The following PAK2 variants were observed in gnomAD, a reference collection of about 807,000 sequenced individuals.
PAK2 encodes the protein serine/threonine-protein kinase PAK 2.
In PAK2, 21 loss-of-function variants were observed where a neutral mutation model predicts 65.9. That is an observed-to-expected ratio of 0.32 (90% CI 0.23 to 0.46). PAK2 has a LOEUF of 0.46. PAK2 is among the 20% of genes least tolerant of loss of function. The pLI is 1.00. For synonymous variants in PAK2, 204 were observed against 219.7 expected (o/e 0.93, Z 0.63); for missense variants, 324 against 642.6 (o/e 0.50, Z 5.36).
chr3:196,817,383 C>T (rs1212538562), intron 11 of PAK2, among the ~76,000 whole-genome samples: 1 of 151,838 alleles, frequency 6.6e-6, no homozygotes, highest in East Asian at 1.9e-4. Context: ...TGGAGTCTTG[C>T]TCTGTCACCC....
At chr3:196,769,969 T>A (rs1714311031) in intron 1 of PAK2, among the ~76,000 whole-genome samples, 1 of 152,080 alleles carries the variant, frequency 6.6e-6, no homozygotes, top group African/African-American at 2.4e-5. Flanking sequence ...ATACAGTGTT[T>A]GTTAGGCCGG....
At chr3:196,741,842 T>A (rs191364120) in intron 1 of PAK2, among the ~76,000 whole-genome samples, 1 of 152,210 alleles carries the variant, frequency 6.6e-6, no homozygotes, top group African/African-American at 2.4e-5. Context: ...AGATGTTGGC[T>A]TCTCTGCCAG....
chr3:196,751,336 T>C (rs1228741412), intron 1 of PAK2, among the ~76,000 whole-genome samples: 2 of 151,984 alleles, frequency 1.3e-5, no homozygotes, highest in African/African-American at 2.4e-5. Flanking sequence ...ATGCAAACCA[T>C]GTTTCGTGCA....
chr3:196,801,850 AAAATAAAATT>A, intron 2 of PAK2, 67 bp from the exon 3 acceptor site: 1 of 780,304 alleles, frequency 1.3e-6, no homozygotes, highest in Non-Finnish European at 2.2e-6. Flanking sequence ...CAAAAGACAA[AAAATAAAATT>A]ATAAGTGCCT....
chr3:196,815,379 C>T (rs1172740173), intron 11 of PAK2, among the ~76,000 whole-genome samples: 2 of 151,604 alleles, frequency 1.3e-5, no homozygotes, highest in Non-Finnish European at 1.5e-5. Flanking sequence ...GTAATCCCAG[C>T]TACTCGCGAG....
chr3:196,816,254 ATC>A (rs1390664228), intron 11 of PAK2, among the ~76,000 whole-genome samples: 2 of 152,102 alleles, frequency 1.3e-5, no homozygotes, highest in Non-Finnish European at 2.9e-5. Context: ...TCCCTTTTCC[ATC>A]TGTCATTAAG....
At chr3:196,807,268 G>A (rs1715616920) in intron 6 of PAK2, among the ~76,000 whole-genome samples, 2 of 152,190 alleles carry the variant, frequency 1.3e-5, no homozygotes. Context: ...GGCACAGCGG[G>A]CAGGCAGAGC....
At chr3:196,752,490 C>T (rs1189696406) in intron 1 of PAK2, among the ~76,000 whole-genome samples, 2 of 152,196 alleles carry the variant, frequency 1.3e-5, no homozygotes, top group African/African-American at 4.8e-5. Flanking sequence ...ACTTTATCCT[C>T]CTTTCACCTC....
chr3:196,785,382 C>T (rs1026677956), intron 2 of PAK2, among the ~76,000 whole-genome samples: 5 of 152,094 alleles, frequency 3.3e-5, no homozygotes, highest in Non-Finnish European at 5.9e-5. Context: ...AGGCTGTTCC[C>T]GTGTGTGACT....
At chr3:196,800,493 T>C (rs1302025196) in intron 2 of PAK2, among the ~76,000 whole-genome samples, 1 of 152,148 alleles carries the variant, frequency 6.6e-6, no homozygotes, top group Non-Finnish European at 1.5e-5. Context: ...TTAATAAGCT[T>C]ATTCTAAAAT....
At chr3:196,823,199 G>A (rs1010090210) in intron 13 of PAK2, among the ~76,000 whole-genome samples, 4 of 152,176 alleles carry the variant, frequency 2.6e-5, no homozygotes, top group East Asian at 1.9e-4. Flanking sequence ...GACCAGGGCA[G>A]TATCAGTGGA....
At chr3:196,803,339 G>T (rs1195232255) in intron 4 of PAK2, among the ~76,000 whole-genome samples, 175 bp downstream of exon 4, 1 of 152,178 alleles carries the variant, frequency 6.6e-6, no homozygotes, top group African/African-American at 2.4e-5. Context: ...GCATAATTTG[G>T]ATCTGTGAAT....
intron 1 of PAK2, among the ~76,000 whole-genome samples, chr3:196,742,880 A>G (rs1713253124): frequency 1.3e-5 from 2 of 152,238 alleles, no homozygotes; most frequent in Non-Finnish European, 2.9e-5. Context: ...AGATCGCGCC[A>G]CTGCACTCCC....
intron 1 of PAK2, among the ~76,000 whole-genome samples, chr3:196,778,006 C>G (rs1714589568): frequency 6.6e-6 from 1 of 152,084 alleles, no homozygotes; most frequent in African/African-American, 2.4e-5. Flanking sequence ...ATTTGCGTCC[C>G]CCAGAGAAAC....
intron 1 of PAK2, among the ~76,000 whole-genome samples, chr3:196,767,896 G>T (rs537761454): frequency 6.6e-6 from 1 of 151,962 alleles, no homozygotes; most frequent in Admixed American, 6.6e-5. Flanking sequence ...ACCACAGTGC[G>T]GTCTCATCAT....
At chr3:196,808,163 C>T in intron 7 of PAK2, 1 of 290,330 alleles carries the variant, frequency 3.4e-6, no homozygotes, top group Non-Finnish European at 6.5e-6. Context: ...ACTAAAAATA[C>T]AAAAATTAGC....
At chr3:196,757,585 T>TA (rs1032480450) in intron 1 of PAK2, among the ~76,000 whole-genome samples, 9 of 151,116 alleles carry the variant, frequency 6.0e-5, no homozygotes, top group African/African-American at 2.0e-4. Flanking sequence ...TATATAAGAA[T>TA]AAAAAAAAAT....
At chr3:196,788,099 T>C (rs1714955834) in intron 2 of PAK2, among the ~76,000 whole-genome samples, 1 of 152,256 alleles carries the variant, frequency 6.6e-6, no homozygotes, top group East Asian at 1.9e-4. Context: ...CTCTCGCTAG[T>C]CTTATGCTAA....
intron 1 of PAK2, among the ~76,000 whole-genome samples, chr3:196,775,540 A>G (rs551537953): frequency 6.6e-6 from 1 of 151,938 alleles, no homozygotes; most frequent in East Asian, 1.9e-4. Context: ...CCACCACCAC[A>G]ACCGGCTAAT....
Sources: allele counts gnomAD v4.1 joint callset (sites outside exome capture counted in the v4.1 genomes callset), GRCh38; gene constraint gnomAD v4.1.1; transcripts MANE v1.5; gene names NCBI Gene and HGNC (gene_info 2026-07-23, HGNC 2026-07-21).